The following EZH1 variants were observed in gnomAD, a reference collection of about 807,000 sequenced individuals.
The protein encoded by EZH1 is histone-lysine N-methyltransferase EZH1.
Under a neutral mutation model 100.5 loss-of-function variants are expected in EZH1, and 33 were observed. The ratio of observed to expected loss-of-function variants is 0.33; its 90% CI spans 0.25 to 0.44. The LOEUF (loss-of-function observed/expected upper bound fraction) is 0.44, where lower values mean the gene tolerates loss of function less well. EZH1 is among the 20% of genes least tolerant of loss of function. The pLI, the probability that EZH1 is intolerant of heterozygous loss-of-function variation, is 1.00. For missense variants in EZH1, 475 were observed against 928.4 expected, an observed-to-expected ratio of 0.51 and a Z score of 6.35; for synonymous variants, 272 against 313.8, an observed-to-expected ratio of 0.87 and a Z score of 1.41.
At chr17:42,738,884 C>G (rs181475965) in intron 1 of EZH1, among the ~76,000 whole-genome samples, 46 of 151,926 alleles carry the variant, frequency 3.0e-4, no homozygotes, top group Non-Finnish European at 5.6e-4. Context: ...CTCCACCCCC[C>G]CTGAGTAGCT....
At chr17:42,719,321 C>G in intron 7 of EZH1, 114 bp from the exon 8 acceptor site, 1 of 772,396 alleles carries the variant, frequency 1.3e-6, no homozygotes, top group South Asian at 1.5e-5. Context: ...CTTTGTTAAC[C>G]TAACCACTGA....
At chr17:42,711,185 C>G (rs1207344677) in intron 12 of EZH1, among the ~76,000 whole-genome samples, 1 of 150,618 alleles carries the variant, frequency 6.6e-6, no homozygotes, top group South Asian at 2.1e-4. Flanking sequence ...AAAAAAAATA[C>G]AAAAATGGCC....
intron 10 of EZH1, among the ~76,000 whole-genome samples, chr17:42,716,047 CAA>C (rs35668797): frequency 3.0e-4 from 21 of 70,670 alleles, no homozygotes; most frequent in Admixed American, 5.1e-4. Flanking sequence ...AACTCTGTCT[CAA>C]AAAAAAAAAA....
intron 15 of EZH1, among the ~76,000 whole-genome samples, chr17:42,707,048 G>C (rs1027910417): frequency 6.6e-6 from 1 of 152,038 alleles, no homozygotes; most frequent in African/African-American, 2.4e-5. Flanking sequence ...AGTTGGGAAG[G>C]GCATGGTGGG....
At chr17:42,709,780 A>AG in intron 13 of EZH1, 66 bp downstream of exon 13, 1 of 1,487,864 alleles carries the variant, frequency 6.7e-7, no homozygotes. Context: ...GGGAACTCCA[A>AG]GGGGAGGTCA....
intron 4 of EZH1, among the ~76,000 whole-genome samples, chr17:42,726,979 A>T (rs1182974130): frequency 6.6e-6 from 1 of 151,894 alleles, no homozygotes; most frequent in African/African-American, 2.4e-5. Flanking sequence ...CCTCCCAAGT[A>T]GCTGGGATTA....
intron 1 of EZH1, among the ~76,000 whole-genome samples, chr17:42,741,459 G>A (rs560411406): frequency 5.9e-5 from 9 of 152,174 alleles, no homozygotes; most frequent in East Asian, 5.8e-4. Flanking sequence ...TCAATCCCTC[G>A]GCCTGCTCCC....
intron 2 of EZH1, among the ~76,000 whole-genome samples, chr17:42,729,910 C>T (rs573489648): frequency 9.3e-5 from 14 of 151,306 alleles, no homozygotes; most frequent in African/African-American, 3.2e-4. Flanking sequence ...TGGTGGCACA[C>T]GCCTATAATC....
At chr17:42,715,508 A>G (rs879748733) in intron 10 of EZH1, among the ~76,000 whole-genome samples, 1 of 151,714 alleles carries the variant, frequency 6.6e-6, no homozygotes, top group Admixed American at 6.6e-5. Flanking sequence ...CAGCCCCCCA[A>G]ATTGCTGGGA....
chr17:42,724,511 A>C (rs2053778894), intron 4 of EZH1, 87 bp from the exon 5 acceptor site: 5 of 1,501,340 alleles, frequency 3.3e-6, no homozygotes, highest in African/African-American at 1.4e-5. Flanking sequence ...TTGGCTGGGC[A>C]TAGTGGCTCA....
chr17:42,713,331 C>A lies in EZH1; in HGVS notation c.1082G>T (p.Arg361Leu). The A allele has an allele frequency of 6.2e-7, 1 of 1,612,062 alleles. No homozygotes were observed. The highest frequency in any genetic ancestry group is 8.5e-7 in the Non-Finnish European group (1 of 1,178,368). ...HNPRSKCSGR[R>L]RRRHHIVSAS... is the part of the protein sequence containing the mutation. ...ACTGACTATGTGGTGCCTTCTCCGG[C>A]GACGACCAGAGCACTTGGAGCGGGG... Residue 361 changes from arginine (R) to leucine (L), a missense_variant, in exon 11 of 21, where the codon CGC (arginine) becomes CTC (leucine). Coordinates refer to ENST00000428826, the MANE Select transcript of EZH1 (RefSeq NM_001991.5).
intron 12 of EZH1, among the ~76,000 whole-genome samples, chr17:42,711,715 G>C (rs1386021675): frequency 1.3e-5 from 2 of 151,808 alleles, no homozygotes; most frequent in Non-Finnish European, 2.9e-5. Context: ...CTTGGCTGAG[G>C]GGAGAGGACT....
chr17:42,725,918 G>A (rs540936632), intron 4 of EZH1, among the ~76,000 whole-genome samples: 7 of 152,236 alleles, frequency 4.6e-5, no homozygotes, highest in Non-Finnish European at 7.4e-5. Flanking sequence ...TCACTCTGTC[G>A]CCCAGGCTGG....
At chr17:42,726,327 G>A (rs1050082225) in intron 4 of EZH1, among the ~76,000 whole-genome samples, 5 of 150,492 alleles carry the variant, frequency 3.3e-5, no homozygotes, top group African/African-American at 1.2e-4. Context: ...AGCCTCCCGA[G>A]TAGCTGGGAT....
At chr17:42,710,078 G>A in intron 12 of EZH1, 141 bp from the exon 13 acceptor site, 1 of 669,796 alleles carries the variant, frequency 1.5e-6, no homozygotes, top group Non-Finnish European at 2.7e-6. Flanking sequence ...GAGACAGAGT[G>A]CCACTGGAAC....
intron 16 of EZH1, among the ~76,000 whole-genome samples, 177 bp from the exon 17 acceptor site, chr17:42,705,360 G>C (rs1026492724): frequency 5.9e-5 from 9 of 152,208 alleles, no homozygotes; most frequent in African/African-American, 2.2e-4. Context: ...AAGAAAATGG[G>C]AGGTGGTGAC....
rs1037322951 is a variant in EZH1 at position 42,702,458 on chromosome 17, C to T, written c.*74G>A. On this transcript the variant is annotated 3_prime_UTR_variant, in exon 21 of 21. Transcript: ENST00000428826. ...TGTGGGAGACACAGTGCAGGAGACT[C>T]GAGCAGCAGTGGTGTGAGCACGAAA... 65 of 1,279,874 alleles carry T rather than the reference C, an allele frequency of 5.1e-5. No homozygotes were observed. Among genetic ancestry groups the T allele is most frequent in the Non-Finnish European group, 6.7e-5 (61 of 910,302 alleles). 79.3% of individuals were successfully genotyped at this position (1,279,874 alleles called of 1,614,324 possible).
At chr17:42,712,166 G>T in intron 12 of EZH1, 123 bp downstream of exon 12, 2 of 1,025,398 alleles carry the variant, frequency 2.0e-6, no homozygotes, top group Non-Finnish European at 2.9e-6. Context: ...AGGCTCATCA[G>T]GGACTGAACT....
In EZH1 at chr17:42,704,691, G is replaced by C; in HGVS notation, c.1936-8C>G. 1 of 1,611,986 alleles carries C rather than the reference G, an allele frequency of 6.2e-7. No homozygotes were observed. The highest frequency in any genetic ancestry group is 8.5e-7 in the Non-Finnish European group (1 of 1,178,774). On this transcript the variant is annotated splice_region_variant and splice_polypyrimidine_tract_variant and intron_variant, in intron 17 of 20. Transcript: ENST00000428826. ...CTCATCCTGAGAGATGAGCTAGAGA[G>C]ATAGACAAATAACAAATAGGAGTAT...
Sources: allele counts gnomAD v4.1 joint callset (sites outside exome capture counted in the v4.1 genomes callset), GRCh38; gene constraint gnomAD v4.1.1; transcripts MANE v1.5; gene names NCBI Gene and HGNC (gene_info 2026-07-23, HGNC 2026-07-21).